Variants in SEMA4F observed in about 807,000 individuals in gnomAD.
SEMA4F encodes the protein ssemaphorin 4F.
In SEMA4F, 51 loss-of-function variants were observed where a neutral mutation model predicts 78.4. The observed-to-expected ratio is 0.65, with a 90% CI of 0.52 to 0.82. The LOEUF (loss-of-function observed/expected upper bound fraction) is 0.82. Ranked by LOEUF, SEMA4F falls within the 40% of genes least tolerant of loss-of-function variation. SEMA4F has a pLI of 0.00. For synonymous variants in SEMA4F, 418 were observed against 408.7 expected, an observed-to-expected ratio of 1.02 and a Z score of -0.27; for missense variants, 938 against 1,014.4, an observed-to-expected ratio of 0.92 and a Z score of 1.02.
intron 5 of SEMA4F, among the ~76,000 whole-genome samples, chr2:74,673,165 A>T (rs1056533565): frequency 6.6e-6 from 1 of 152,136 alleles, no homozygotes; most frequent in African/African-American, 2.4e-5. Context: ...AGCAACAAAA[A>T]AGCCCCAGAG....
chr2:74,709,140 G>A, the SEMA4F span, among the ~76,000 whole-genome samples: 1 of 152,212 alleles, frequency 6.6e-6, no homozygotes, highest in Non-Finnish European at 1.5e-5. Context: ...AGAAGCTAAT[G>A]AACCTCAAAC....
intron 1 of SEMA4F, among the ~76,000 whole-genome samples, chr2:74,654,828 G>A (rs901974904): frequency 1.3e-5 from 2 of 152,250 alleles, no homozygotes; most frequent in Non-Finnish European, 2.9e-5. Context: ...TCACCGTGCA[G>A]ACTCGGACAC....
rs774416709 is a variant in SEMA4F, at chr2:74,673,820, G to A, written c.814G>A (p.Val272Met). ...ERIKVPRVAR[V>M]CAGDLGGRKT... Reference sequence around the variant, plus strand: ...CATTAAAGTCCCACGGGTGGCCCGTGTGTGTGCGGTGAGACCCCATCCCAG... The same window carrying A: ...CATTAAAGTCCCACGGGTGGCCCGTATGTGTGCGGTGAGACCCCATCCCAG... Residue 272 changes from valine to methionine, a missense_variant, in exon 7 of 14, where the codon GTG becomes ATG. Coordinates refer to ENST00000357877, the MANE Select transcript of SEMA4F (RefSeq NM_004263.5). 3.1e-6 allele frequency: 5 copies of A among 1,613,176 alleles called. No individual in the cohort carries two copies. In the Admixed American group the frequency reaches 6.7e-5, roughly 22 times the overall value.
chr2:74,673,558 T>C lies in SEMA4F; in HGVS notation c.652T>C (p.Leu218=), dbSNP rs1685100291. The part of the protein sequence containing the change: ...RAEDWIRTDT[L]PSWLNAPAFV... Reference sequence around the variant, plus strand: ...CGAGGACTGGATTCGGACAGATACCTTGCCTTCCTGGCTGAACGGTGGGGA... The same window carrying C: ...CGAGGACTGGATTCGGACAGATACCCTGCCTTCCTGGCTGAACGGTGGGGA... Residue 218 remains leucine (L), a synonymous_variant, in exon 6 of 14, where the codon TTG becomes CTG. Transcript: ENST00000357877. The C allele has an allele frequency of 8.1e-6, 13 of 1,614,154 alleles. No individual in the cohort carries two copies. Among genetic ancestry groups the C allele is most frequent in the Non-Finnish European group, 1.1e-5 (13 of 1,180,032 alleles).
intron 5 of SEMA4F, among the ~76,000 whole-genome samples, chr2:74,669,873 A>G (rs1430093694): frequency 2.0e-5 from 3 of 152,152 alleles, no homozygotes; most frequent in African/African-American, 7.2e-5. Flanking sequence ...TGTATTTTCA[A>G]AATGAAAATA....
At chr2:74,666,369 T>A (rs1684698541) in intron 5 of SEMA4F, among the ~76,000 whole-genome samples, 1 of 152,062 alleles carries the variant, frequency 6.6e-6, no homozygotes, top group Non-Finnish European at 1.5e-5. Flanking sequence ...TAAAGATCAT[T>A]ATAAGACAAA....
In SEMA4F at chr2:74,680,232, G is replaced by A. The variant is rs1317714984; in HGVS notation, c.*23G>A. 2 of 1,532,352 alleles carry A rather than the reference G, an allele frequency of 1.3e-6. No individual in the cohort carries two copies. Among genetic ancestry groups the A allele is most frequent in the Non-Finnish European group, 1.8e-6 (2 of 1,136,362 alleles). 94.9% of individuals were successfully genotyped at this position (1,532,352 alleles called of 1,614,324 possible). A position where few individuals can be genotyped will look rare whatever the true frequency, so the allele number is the denominator to read the frequency against. ...TAGAGCTGGGCAAATGACCACTAGTGTATAAGTGATCACTGGAACGGAGTG... is the reference window on the plus strand; with the variant it reads ...TAGAGCTGGGCAAATGACCACTAGTATATAAGTGATCACTGGAACGGAGTG... On this transcript the variant is annotated 3_prime_UTR_variant, in exon 14 of 14. Coordinates refer to ENST00000357877, the MANE Select transcript of SEMA4F (RefSeq NM_004263.5).
At chr2:74,691,957 C>T in the SEMA4F span, among the ~76,000 whole-genome samples, 9 of 152,236 alleles carry the variant, frequency 5.9e-5, no homozygotes, top group East Asian at 5.8e-4. Context: ...ATGCTCCTGT[C>T]GGGGGTAACA....
chr2:74,654,367 G>A lies in SEMA4F; in HGVS notation c.-10G>A. Reference sequence around the variant, plus strand: ...GCTTGCGCCGCACCCGCGGCCAGGCGGAGCCAAAGATGCCGGCCTCTGCTG... The same window carrying A: ...GCTTGCGCCGCACCCGCGGCCAGGCAGAGCCAAAGATGCCGGCCTCTGCTG... On this transcript the variant is annotated 5_prime_UTR_variant, in exon 1 of 14. Coordinates refer to ENST00000357877, the MANE Select transcript of SEMA4F (RefSeq NM_004263.5). The A allele has an allele frequency of 1.3e-6, 2 of 1,487,912 alleles. No homozygotes were observed. The highest frequency in any genetic ancestry group is 2.8e-5 in the East Asian group (1 of 35,774). 92.2% of individuals were successfully genotyped at this position (1,487,912 alleles called of 1,614,324 possible). A position where few individuals can be genotyped will look rare whatever the true frequency, so the allele number is the denominator to read the frequency against.
At chr2:74,664,615 A>T (rs1384245820) in intron 5 of SEMA4F, among the ~76,000 whole-genome samples, 1 of 152,224 alleles carries the variant, frequency 6.6e-6, no homozygotes, top group African/African-American at 2.4e-5. Flanking sequence ...CTTTTCTCTC[A>T]CATAAATTTC....
chr2:74,679,025 C>G (rs544963327), intron 12 of SEMA4F, among the ~76,000 whole-genome samples: 1 of 152,136 alleles, frequency 6.6e-6, no homozygotes, highest in East Asian at 1.9e-4. Flanking sequence ...TTACAACAGA[C>G]CTAGTGCAAA....
chr2:74,679,909 CGCA>C lies in SEMA4F; in HGVS notation c.2017_2019del (p.Ala673del). The C allele has an allele frequency of 6.2e-7, 1 of 1,614,182 alleles. No individual in the cohort carries two copies. Among genetic ancestry groups the C allele is most frequent in the Non-Finnish European group, 8.5e-7 (1 of 1,180,034 alleles). On this transcript the variant is annotated inframe_deletion, in exon 14 of 14. Transcript: ENST00000357877. ...TGGCTGGCTTCTTCTTGGGGATTCT[CGCA>C]GCATCCCTGACTCTCATTCTGATTG...
At chr2:74,678,190 G>A (rs1379973880) in intron 12 of SEMA4F, among the ~76,000 whole-genome samples, 1 of 152,108 alleles carries the variant, frequency 6.6e-6, no homozygotes, top group Non-Finnish European at 1.5e-5. Context: ...AGAATTCACT[G>A]GTCTTAGATA....
chr2:74,665,119 G>A (rs1178222369), intron 5 of SEMA4F, among the ~76,000 whole-genome samples: 2 of 150,182 alleles, frequency 1.3e-5, no homozygotes, highest in Non-Finnish European at 3.0e-5. Context: ...AATATTTTAT[G>A]TTAAACAAAA....
intron 13 of SEMA4F, 72 bp from the exon 14 acceptor site, chr2:74,679,527 C>A (rs547165702): frequency 6.5e-7 from 1 of 1,545,376 alleles, no homozygotes; most frequent in Non-Finnish European, 8.7e-7. Context: ...TCCGACATCA[C>A]CCCACACTTT....
Position 74,673,496 on chromosome 2 carries a change from G to A in SEMA4F, c.590G>A (p.Gly197Glu). 1 of 1,614,146 alleles carries A rather than the reference G, an allele frequency of 6.2e-7. No homozygotes were observed. The highest frequency in any genetic ancestry group is 8.5e-7 in the Non-Finnish European group (1 of 1,180,022). Residue 197 changes from glycine to glutamate, a missense_variant, in exon 6 of 14, where the codon GGG becomes GAG. Gly to Glu is a moderately conservative substitution (Grantham distance 98). Coordinates refer to ENST00000357877, the MANE Select transcript of SEMA4F (RefSeq NM_004263.5). ...GCTGCCACTGTGAAAAACTACCTGG[G>A]GACGGAGCCAATTATCACCAGAGCA... is the stretch of plus-strand genomic sequence containing the variant. ...LYAATVKNYL[G>E]TEPIITRAVG...
chr2:74,665,166 T>G (rs1290203016), intron 5 of SEMA4F, among the ~76,000 whole-genome samples: 1 of 152,008 alleles, frequency 6.6e-6, no homozygotes, highest in African/African-American at 2.4e-5. Flanking sequence ...AATTTTTTCC[T>G]ATGCATGACT....
chr2:74,699,703 A>G, the SEMA4F span, among the ~76,000 whole-genome samples: 1 of 152,174 alleles, frequency 6.6e-6, no homozygotes, highest in African/African-American at 2.4e-5. Context: ...AGAGACATGG[A>G]GAAGGAGCGG....
intron 4 of SEMA4F, among the ~76,000 whole-genome samples, chr2:74,659,682 T>G (rs867795149): frequency 6.6e-6 from 1 of 152,174 alleles, no homozygotes; most frequent in South Asian, 2.1e-4. Context: ...CTGTAGACGT[T>G]TTGAAAGTTC....
Sources: gnomAD v4.1 joint callset for allele counts (sites outside exome capture counted in the v4.1 genomes callset) on GRCh38, gnomAD v4.1.1 for gene constraint, MANE v1.5 for transcripts, NCBI Gene and HGNC (gene_info 2026-07-23, HGNC 2026-07-21) for gene names.